Variants in FAM234B observed in about 807,000 individuals in gnomAD.
FAM234B encodes family with sequence similarity 234 member B.
In FAM234B, 33 loss-of-function variants were observed where a neutral mutation model predicts 69.3. That is an observed-to-expected ratio of 0.48 (90% CI 0.36 to 0.64). FAM234B has a LOEUF of 0.64. Among genes scored for constraint, FAM234B ranks in the 30% least tolerant of loss-of-function variants. The pLI is 0.00. For missense variants in FAM234B, 697 were observed against 769.7 expected, an observed-to-expected ratio of 0.91 and a Z score of 1.12; for synonymous variants, 306 against 306.9, an observed-to-expected ratio of 1.00 and a Z score of 0.03.
At chr12:13,047,807 C>G (rs1864827553) in intron 1 of FAM234B, among the ~76,000 whole-genome samples, 1 of 152,166 alleles carries the variant, frequency 6.6e-6, no homozygotes, top group South Asian at 2.1e-4. Context: ...TGACGCCTGG[C>G]TCCTCAGCCT....
At chr12:13,064,263 G>A (rs1865013723) in intron 5 of FAM234B, among the ~76,000 whole-genome samples, 1 of 152,208 alleles carries the variant, frequency 6.6e-6, no homozygotes, top group South Asian at 2.1e-4. Context: ...CAAGGATTCA[G>A]GAATTATTCA....
intron 4 of FAM234B, chr12:13,062,387 T>A (rs1011898445): frequency 1.3e-5 from 2 of 155,730 alleles, no homozygotes; most frequent in African/African-American, 4.8e-5. Context: ...TGAAAAAAAC[T>A]GGGATTTGAG....
chr12:13,078,160 T>C (rs1865182987), intron 11 of FAM234B, among the ~76,000 whole-genome samples: 1 of 152,010 alleles, frequency 6.6e-6, no homozygotes, highest in Admixed American at 6.6e-5. Context: ...CTGTAGATTC[T>C]GGATATTAGC....
At chr12:13,080,536 A>C (rs1407157408) in intron 12 of FAM234B, 89 bp from the exon 13 acceptor site, 1 of 1,070,302 alleles carries the variant, frequency 9.3e-7, no homozygotes, top group Non-Finnish European at 1.4e-6. Context: ...GGGAAAATAG[A>C]GAAATATTCT....
chr12:13,051,529 A>C (rs1864876483), intron 1 of FAM234B, among the ~76,000 whole-genome samples: 1 of 152,242 alleles, frequency 6.6e-6, no homozygotes, highest in African/African-American at 2.4e-5. Flanking sequence ...TGTGAATGCC[A>C]AGAAAGCTCT....
chr12:13,055,588 T>A lies in FAM234B; in HGVS notation c.75T>A (p.Leu25=), dbSNP rs747086886. The A allele has an allele frequency of 6.2e-7, 1 of 1,612,092 alleles. No individual in the cohort carries two copies. Among genetic ancestry groups the A allele is most frequent in the East Asian group, 2.2e-5 (1 of 44,790 alleles). ...CAGACCTAGGGGAGTATGATCCACTTACCCAGGCTGACAGTGATGAGAGCG... is the reference window on the plus strand; with the variant it reads ...CAGACCTAGGGGAGTATGATCCACTAACCCAGGCTGACAGTGATGAGAGCG... ...KSPDLGEYDP[L]TQADSDESED... Residue 25 remains leucine (L), a synonymous_variant, in exon 2 of 13, where the codon CTT becomes CTA. Coordinates refer to ENST00000197268, the MANE Select transcript of FAM234B (RefSeq NM_020853.2).
At position 13,079,846 on chromosome 12, in the gene FAM234B, G is replaced by A. The variant is rs149988828; in HGVS notation, c.1700G>A (p.Ser567Asn). The A allele has an allele frequency of 7.5e-5, 121 of 1,613,948 alleles. No homozygotes were observed. Among genetic ancestry groups the A allele is most frequent in the Middle Eastern group, 1.6e-4 (1 of 6,082 alleles). Residue 567 changes from serine (S) to asparagine (N), a missense_variant, in exon 12 of 13, where the codon AGC (serine) becomes AAC (asparagine). Physicochemically the swap from Ser to Asn is conservative, Grantham distance 46. Around this residue, in one of 3 missense-constraint regions of FAM234B, gnomAD observed 313 missense variants for 305.5 expected, o/e 1.02. Transcript: ENST00000197268. Reference sequence around the variant, plus strand: ...TATGTTACCAGGACAACAGGGCCAAGCTCCGAAGGCCATCCAGCAGCCCTG... The same window carrying A: ...TATGTTACCAGGACAACAGGGCCAAACTCCGAAGGCCATCCAGCAGCCCTG... ...AFYVTRTTGP[S>N]SEGHPAALVV...
chr12:13,054,634 T>C (rs1181980807), intron 1 of FAM234B, among the ~76,000 whole-genome samples: 1 of 152,234 alleles, frequency 6.6e-6, no homozygotes, highest in African/African-American at 2.4e-5. Flanking sequence ...TAGTGATAGA[T>C]TACTGCATAA....
At position 13,068,666 on chromosome 12, in the gene FAM234B, A is replaced by G. The variant is rs370314873; in HGVS notation, c.1323A>G (p.Thr441=). ...CTGGATATTTCACTGATGATCAGAC[A>G]TTAGATTTCCTTCTGCAGATACAGG... is the stretch of plus-strand genomic sequence containing the variant. ...PTPGYFTDDQ[T]LDFLLQIQDG... The change falls in exon 9 of 13, where the codon ACA becomes ACG. Residue 441 remains threonine (T), a synonymous_variant. Transcript: ENST00000197268. 9.9e-6 allele frequency: 16 copies of G among 1,613,194 alleles called. No individual in the cohort carries two copies. Among genetic ancestry groups the G allele is most frequent in the Non-Finnish European group, 1.4e-5 (16 of 1,179,156 alleles).
chr12:13,072,339 A>C (rs1219365161), intron 10 of FAM234B, among the ~76,000 whole-genome samples: 1 of 152,216 alleles, frequency 6.6e-6, no homozygotes, highest in Non-Finnish European at 1.5e-5. Flanking sequence ...ACATGGCCTA[A>C]CAGTGTGACC....
At chr12:13,048,533 A>T (rs1864837461) in intron 1 of FAM234B, among the ~76,000 whole-genome samples, 1 of 90,236 alleles carries the variant, frequency 1.1e-5, no homozygotes, top group Admixed American at 1.1e-4. Context: ...CTTTTCTGTT[A>T]TCCTCTTTTC....
At chr12:13,054,542 C>G (rs975480632) in intron 1 of FAM234B, among the ~76,000 whole-genome samples, 1 of 152,280 alleles carries the variant, frequency 6.6e-6, no homozygotes, top group African/African-American at 2.4e-5. Context: ...AATAATTATT[C>G]TTTTCCCCTT....
Position 13,071,285 on chromosome 12 carries a change from C to G in FAM234B, c.1413C>G (p.Tyr471Ter). ...DGDSGSIVWSYRAPCHMKETP... is the reference protein window; with the variant it reads ...DGDSGSIVWS The stretch of plus-strand genomic sequence containing the variant: ...ACTCTGGCTCCATTGTTTGGAGTTA[C>G]CGTGCTCCGTGTCACATGAAAGAAA... The change falls in exon 10 of 13, where the codon TAC (tyrosine) becomes TAG (stop). Residue 471 changes from tyrosine to a stop codon, truncating the protein, a stop_gained. Coordinates refer to ENST00000197268, the MANE Select transcript of FAM234B (RefSeq NM_020853.2). LOFTEE classifies it high-confidence loss of function. 1 of 1,614,128 alleles carries G rather than the reference C, an allele frequency of 6.2e-7. No individual in the cohort carries two copies. Among genetic ancestry groups the G allele is most frequent in the Non-Finnish European group, 8.5e-7 (1 of 1,180,000 alleles).
In FAM234B at chr12:13,061,780, A is replaced by G; in HGVS notation, c.721+17A>G. Reference sequence around the variant, plus strand: ...CAACGTCAGGTAAATACCATTTACCACAAAAGAACTTTGCTCCTACGAGCC... The same window carrying G: ...CAACGTCAGGTAAATACCATTTACCGCAAAAGAACTTTGCTCCTACGAGCC... On this transcript the variant is annotated intron_variant, in intron 4 of 12. Coordinates refer to ENST00000197268, the MANE Select transcript of FAM234B (RefSeq NM_020853.2). 1 of 1,605,278 alleles carries G rather than the reference A, an allele frequency of 6.2e-7. No individual in the cohort carries two copies. The highest frequency in any genetic ancestry group is 8.5e-7 in the Non-Finnish European group (1 of 1,173,978).
At chr12:13,058,947 G>A (rs966700841) in intron 3 of FAM234B, among the ~76,000 whole-genome samples, 8 of 152,196 alleles carry the variant, frequency 5.3e-5, no homozygotes, top group African/African-American at 1.7e-4. Context: ...GAAAACTTTT[G>A]TTCATAGACT....
At position 13,044,817 on chromosome 12, in the gene FAM234B, G is replaced by A. The variant is rs1362584335; in HGVS notation, c.37+377G>A. 6.6e-6 allele frequency among the ~76,000 whole-genome samples: 1 copy of A among 152,232 alleles called. No homozygotes were observed. The highest frequency in any genetic ancestry group is 1.5e-5 in the Non-Finnish European group (1 of 68,034). Reference sequence around the variant, plus strand: ...AGGGACTCCGGCGCCTTCTGTCTTGGCTGGACCTGGGCGGGGGCGGCGGGA... The same window carrying A: ...AGGGACTCCGGCGCCTTCTGTCTTGACTGGACCTGGGCGGGGGCGGCGGGA... On this transcript the variant is annotated intron_variant, in intron 1 of 12. Coordinates refer to ENST00000197268, the MANE Select transcript of FAM234B (RefSeq NM_020853.2). The surrounding 1 kb of genome is among the most constrained non-coding windows in gnomAD (Gnocchi z 5.6).
At chr12:13,066,499 G>C (rs1310928310) in intron 5 of FAM234B, 141 bp from the exon 6 acceptor site, 1 of 856,562 alleles carries the variant, frequency 1.2e-6, no homozygotes, top group Non-Finnish European at 1.8e-6. Flanking sequence ...AAGCGAAGCA[G>C]GTTTGGCTTT....
chr12:13,081,617 T>A lies in FAM234B; in HGVS notation c.*987T>A, dbSNP rs1456153345. ...TCTATTCAGGGATATGTTTCTGGAC[T>A]TTTTCTTCTGCTACTTGAGTCCAGG... On this transcript the variant is annotated 3_prime_UTR_variant, in exon 13 of 13. Coordinates refer to ENST00000197268, the MANE Select transcript of FAM234B (RefSeq NM_020853.2). The A allele has an allele frequency of 6.6e-6, 1 of 152,244 alleles. No individual in the cohort carries two copies. The highest frequency in any genetic ancestry group is 2.4e-5 in the African/African-American group (1 of 41,456). The allele number at this position is 152,244 out of a possible 1,614,324, so 9.4% of individuals were successfully genotyped here.
chr12:13,050,158 A>G (rs994250972), intron 1 of FAM234B, among the ~76,000 whole-genome samples: 5 of 152,040 alleles, frequency 3.3e-5, no homozygotes, highest in Non-Finnish European at 4.4e-5. Flanking sequence ...CTCCAAATTC[A>G]CCTTTGTTGA....
Sources: gnomAD v4.1 joint callset for allele counts (sites outside exome capture counted in the v4.1 genomes callset) on GRCh38, gnomAD v4.1.1 for gene constraint, gnomAD v4.1.1 regional missense constraint, Gnocchi (gnomAD v3.1) non-coding constraint, MANE v1.5 for transcripts, NCBI Gene and HGNC (gene_info 2026-07-23, HGNC 2026-07-21) for gene names.